The following STARD9 variants were observed in gnomAD, a reference collection of about 807,000 sequenced individuals.
STARD9 encodes stAR-related lipid transfer protein 9.
In STARD9, 346 loss-of-function variants were observed where a neutral mutation model predicts 399.8. The ratio of observed to expected loss-of-function variants is 0.87; its 90% CI spans 0.79 to 0.95. The LOEUF is 0.95. Ranked by LOEUF, STARD9 falls within the 40% of genes least tolerant of loss-of-function variation. The pLI is 0.00. For synonymous variants in STARD9, 2,203 were observed against 2,143.5 expected (o/e 1.03, Z -0.77); for missense variants, 5,832 against 5,667.5 (o/e 1.03, Z -0.93).
intron 24 of STARD9, among the ~76,000 whole-genome samples, 183 bp downstream of exon 24, chr15:42,694,908 G>A (rs2060807631): frequency 6.6e-6 from 1 of 152,134 alleles, no homozygotes; most frequent in Non-Finnish European, 1.5e-5. Context: ...AGGAAATGAT[G>A]GACAGAAGGG....
chr15:42,588,960 G>T (rs889634961), intron 3 of STARD9, among the ~76,000 whole-genome samples: 1 of 151,670 alleles, frequency 6.6e-6, no homozygotes, highest in Non-Finnish European at 1.5e-5. Flanking sequence ...GACTACAAGC[G>T]TGTGCCACCA....
At chr15:42,650,150 A>G (rs1320466220) in intron 7 of STARD9, among the ~76,000 whole-genome samples, 1 of 152,152 alleles carries the variant, frequency 6.6e-6, no homozygotes, top group African/African-American at 2.4e-5. Flanking sequence ...GGCATGAACC[A>G]CAGTGCCCAG....
In STARD9 at chr15:42,669,186, A is replaced by T; in HGVS notation, c.1346A>T (p.Gln449Leu). 4 of 1,535,812 alleles carry T rather than the reference A, an allele frequency of 2.6e-6. No individual in the cohort carries two copies. Among genetic ancestry groups the T allele is most frequent in the Non-Finnish European group, 3.5e-6 (4 of 1,145,722 alleles). Residue 449 changes from glutamine to leucine, a missense_variant, in exon 16 of 33, where the codon CAG becomes CTG. Around this residue, in one of 2 missense-constraint regions of STARD9, gnomAD observed 5,828 missense variants for 5,651.1 expected, o/e 1.03. Coordinates refer to ENST00000290607, the MANE Select transcript of STARD9 (RefSeq NM_020759.3). ...KIDQLTKDWTQKWNDWQALME... is the reference protein window; with the variant it reads ...KIDQLTKDWTLKWNDWQALME... Reference sequence around the variant, plus strand: ...GACCAGCTGACTAAAGACTGGACCCAGAAGTGGAATGATTGGCAGGCCCTC... The same window carrying T: ...GACCAGCTGACTAAAGACTGGACCCTGAAGTGGAATGATTGGCAGGCCCTC...
intron 7 of STARD9, among the ~76,000 whole-genome samples, chr15:42,641,466 T>C (rs556023811): frequency 8.3e-4 from 126 of 152,226 alleles, no homozygotes; most frequent in African/African-American, 3.0e-3. Flanking sequence ...GCTGCACCCA[T>C]TAACTCTTCA....
At position 42,687,875 on chromosome 15, in the gene STARD9, T is replaced by C. The variant is rs747869367; in HGVS notation, c.6297T>C (p.Phe2099=). 2 of 1,537,094 alleles carry C rather than the reference T, an allele frequency of 1.3e-6. No individual in the cohort carries two copies. The highest frequency in any genetic ancestry group is 1.7e-6 in the Non-Finnish European group (2 of 1,146,944). ...AGCAGGAGAAGACTGACCATGCCTT[T>C]AGGCCAGACAGCTCTGGAAACCCTT... is the stretch of plus-strand genomic sequence containing the variant. ...QKEQEKTDHA[F]RPDSSGNPLP... is the part of the protein sequence containing the mutation. Residue 2099 remains phenylalanine (F), a synonymous_variant, in exon 23 of 33, where the codon TTT becomes TTC. Transcript: ENST00000290607.
chr15:42,621,890 G>C (rs554629963), intron 3 of STARD9, among the ~76,000 whole-genome samples: 3 of 152,198 alleles, frequency 2.0e-5, no homozygotes, highest in African/African-American at 7.2e-5. Flanking sequence ...ACTGTTTTCA[G>C]GTCCTCTTGG....
At position 42,681,340 on chromosome 15, in the gene STARD9, T is replaced by A. The variant is rs954891891; in HGVS notation, c.1875-82T>A. ...ACCCTGTTGATTGCAGGGGCTCTCT[T>A]GGAAGGCCTTACACTGCTATCAGTT... On this transcript the variant is annotated intron_variant, in intron 20 of 32. Coordinates refer to ENST00000290607, the MANE Select transcript of STARD9 (RefSeq NM_020759.3). The A allele has an allele frequency of 2.1e-5, 29 of 1,379,586 alleles. 1 individual carries two copies. The South Asian group carries it at 2.2e-4, about 11-fold the overall frequency. The allele number at this position is 1,379,586 out of a possible 1,614,324, so 85.5% of individuals were successfully genotyped here.
chr15:42,656,524 T>C (rs1387089033), intron 9 of STARD9, among the ~76,000 whole-genome samples: 2 of 152,012 alleles, frequency 1.3e-5, no homozygotes, highest in Admixed American at 6.6e-5. Flanking sequence ...AAAAGATACT[T>C]GCACATGCAT....
At chr15:42,592,521 T>C (rs1310107566) in intron 3 of STARD9, among the ~76,000 whole-genome samples, 1 of 152,178 alleles carries the variant, frequency 6.6e-6, no homozygotes, top group Non-Finnish European at 1.5e-5. Context: ...CTTAGCTCAC[T>C]GCAATCTCCG....
At chr15:42,662,544 A>C (rs2060011526) in intron 10 of STARD9, among the ~76,000 whole-genome samples, 1 of 152,230 alleles carries the variant, frequency 6.6e-6, no homozygotes, top group Non-Finnish European at 1.5e-5. Context: ...ATTTAGCATA[A>C]AGTGTTCTGA....
At chr15:42,600,863 T>C (rs2058607386) in intron 3 of STARD9, among the ~76,000 whole-genome samples, 2 of 112,166 alleles carry the variant, frequency 1.8e-5, no homozygotes, top group African/African-American at 7.5e-5. Flanking sequence ...TTTTTCTTTC[T>C]TTTTTTTTTT....
chr15:42,620,809 C>T (rs762902767), intron 3 of STARD9, among the ~76,000 whole-genome samples: 20 of 151,780 alleles, frequency 1.3e-4, no homozygotes, highest in Admixed American at 3.9e-4. Context: ...GGCTGGAGTG[C>T]AGTGGCACAA....
intron 3 of STARD9, among the ~76,000 whole-genome samples, chr15:42,595,036 C>G (rs902232545): frequency 3.3e-5 from 5 of 152,188 alleles, no homozygotes; most frequent in African/African-American, 1.2e-4. Context: ...GCAGGATGAG[C>G]TGGAGAGATG....
At chr15:42,714,543 CT>C (rs1336425676) in intron 26 of STARD9, among the ~76,000 whole-genome samples, 9 of 152,124 alleles carry the variant, frequency 5.9e-5, no homozygotes, top group African/African-American at 2.2e-4. Flanking sequence ...TTTTCCATAG[CT>C]TGTGACATGT....
chr15:42,592,992 T>C (rs778050361), intron 3 of STARD9, among the ~76,000 whole-genome samples: 1 of 152,144 alleles, frequency 6.6e-6, no homozygotes, highest in Non-Finnish European at 1.5e-5. Flanking sequence ...AGCTCTAAAA[T>C]AGAGATCATA....
chr15:42,660,014 G>C (rs530032660), intron 9 of STARD9, among the ~76,000 whole-genome samples: 75 of 152,264 alleles, frequency 4.9e-4, no homozygotes, highest in Non-Finnish European at 8.1e-4. Flanking sequence ...CCACACAATG[G>C]AATAATAGCA....
intron 15 of STARD9, among the ~76,000 whole-genome samples, chr15:42,668,620 A>G (rs980750496): frequency 6.6e-6 from 1 of 152,126 alleles, no homozygotes; most frequent in Non-Finnish European, 1.5e-5. Context: ...TTATTACATG[A>G]TCTTCCAGAC....
intron 9 of STARD9, among the ~76,000 whole-genome samples, chr15:42,655,242 G>A (rs1036428285): frequency 2.0e-5 from 3 of 152,198 alleles, no homozygotes; most frequent in Non-Finnish European, 2.9e-5. Flanking sequence ...AGATCACACC[G>A]CTGCACTCCA....
intron 9 of STARD9, among the ~76,000 whole-genome samples, chr15:42,659,822 C>G (rs1222203025): frequency 6.6e-6 from 1 of 152,188 alleles, no homozygotes; most frequent in Non-Finnish European, 1.5e-5. Context: ...TCATGCCCAG[C>G]CTAGCAGTTT....
Sources: gnomAD v4.1 joint callset for allele counts (sites outside exome capture counted in the v4.1 genomes callset) on GRCh38, gnomAD v4.1.1 for gene constraint, gnomAD v4.1.1 regional missense constraint, MANE v1.5 for transcripts, NCBI Gene and HGNC (gene_info 2026-07-23, HGNC 2026-07-21) for gene names.